Variants in KCTD8 observed in about 807,000 individuals in gnomAD.
KCTD8 encodes the protein BTB/POZ domain-containing protein KCTD8.
A neutral mutation model predicts 31.5 loss-of-function variants in KCTD8; 27 were observed. The ratio of observed to expected loss-of-function variants is 0.86; its 90% confidence interval spans 0.63 to 1.18. The LOEUF (loss-of-function observed/expected upper bound fraction) is 1.18. Ranked by LOEUF, KCTD8 falls within the 50% of genes most tolerant of loss-of-function variation. KCTD8 has a pLI of 0.00. For synonymous variants in KCTD8, 290 were observed against 280.0 expected, an observed-to-expected ratio of 1.04 and a Z score of -0.36; for missense variants, 658 against 647.7, an observed-to-expected ratio of 1.02 and a Z score of -0.17.
At position 44,448,506 on chromosome 4, in the gene KCTD8, C is replaced by T. The variant is rs1289752106; in HGVS notation, c.18G>A (p.Thr6=). The T allele has an allele frequency of 3.4e-6, 5 of 1,488,442 alleles. No homozygotes were observed. The South Asian group carries it at 5.6e-5, about 17-fold the overall frequency. The allele number at this position is 1,488,442 out of a possible 1,614,324, so 92.2% of individuals were successfully genotyped here. A position where few individuals can be genotyped will look rare whatever the true frequency, so the allele number is the denominator to read the frequency against. Residue 6 remains threonine, a synonymous_variant, in exon 1 of 2, where the codon ACG becomes ACA. Transcript: ENST00000360029. This position sits in a 1 kb window ranked among gnomAD's most constrained non-coding sequence, Gnocchi z 4.1. MALKD[T]GSGGSTILPI... ...GCAGGATGGTGCTGCCGCCGCTGCC[C>T]GTGTCCTTCAGAGCCATAGTCCCCC...
chr4:44,395,236 T>C (rs1249211832), intron 1 of KCTD8, among the ~76,000 whole-genome samples: 2 of 152,086 alleles, frequency 1.3e-5, no homozygotes, highest in African/African-American at 4.8e-5. Context: ...AGGGATAGCG[T>C]GTGATCCTGA....
chr4:44,193,427 C>T (rs989627927), intron 1 of KCTD8, among the ~76,000 whole-genome samples: 3 of 152,108 alleles, frequency 2.0e-5, no homozygotes, highest in Admixed American at 1.3e-4. Context: ...GATACATATG[C>T]TGCCACAAAA....
chr4:44,331,015 GA>G (rs1718578825), intron 1 of KCTD8, among the ~76,000 whole-genome samples: 3 of 151,670 alleles, frequency 2.0e-5, no homozygotes, highest in Admixed American at 2.0e-4. Context: ...GAGAAGACAG[GA>G]AAAATTTCAC....
intron 1 of KCTD8, among the ~76,000 whole-genome samples, chr4:44,244,050 C>A (rs1327278357): frequency 6.6e-6 from 1 of 152,148 alleles, no homozygotes; most frequent in Non-Finnish European, 1.5e-5. Flanking sequence ...AGATAAAATA[C>A]AAAATGTCCA....
chr4:44,430,596 C>T (rs1375422356), intron 1 of KCTD8, among the ~76,000 whole-genome samples: 2 of 151,534 alleles, frequency 1.3e-5, no homozygotes, highest in Non-Finnish European at 3.0e-5. Flanking sequence ...CCATCACCAA[C>T]CTTTTTGTCT....
At chr4:44,191,226 TCTTA>T (rs1423427779) in intron 1 of KCTD8, among the ~76,000 whole-genome samples, 2 of 152,216 alleles carry the variant, frequency 1.3e-5, no homozygotes, top group Non-Finnish European at 2.9e-5. Flanking sequence ...CTTATACCTG[TCTTA>T]CTTTAATCTC....
intron 1 of KCTD8, among the ~76,000 whole-genome samples, chr4:44,240,580 T>G (rs1343326713): frequency 6.6e-6 from 1 of 152,202 alleles, no homozygotes; most frequent in African/African-American, 2.4e-5. Context: ...CTCAACGAAT[T>G]CTCCCACCTA....
chr4:44,217,327 C>A (rs184566531), intron 1 of KCTD8, among the ~76,000 whole-genome samples: 22 of 152,106 alleles, frequency 1.4e-4, no homozygotes, highest in African/African-American at 4.6e-4. Flanking sequence ...TTTCTTGACC[C>A]AAAATTAAGG....
intron 1 of KCTD8, among the ~76,000 whole-genome samples, chr4:44,371,545 T>C (rs148697396): frequency 1.3e-5 from 2 of 152,320 alleles, no homozygotes; most frequent in African/African-American, 4.8e-5. Context: ...GTTAAAAGTA[T>C]ATTATCAAAG....
Position 44,289,624 on chromosome 4 carries a change from T to C in KCTD8, c.962-114374A>G, listed in dbSNP as rs758196793. 2.6e-5 allele frequency among the ~76,000 whole-genome samples: 4 copies of C among 152,060 alleles called. 1 individual carries two copies. On this transcript the variant is annotated intron_variant, in intron 1 of 1. Transcript: ENST00000360029. ...ATGGTGAGGCAACCCACTCTTGCTG[T>C]GAAATGTTGGGATCCTAGCTACACG...
intron 1 of KCTD8, chr4:44,293,423 C>T (rs1717335626): frequency 2.2e-6 from 1 of 455,546 alleles, no homozygotes; most frequent in South Asian, 1.6e-5. Flanking sequence ...AGCATCTGGC[C>T]CTGGTTCTGC....
At chr4:44,194,857 C>G (rs1162330554) in intron 1 of KCTD8, among the ~76,000 whole-genome samples, 1 of 130,504 alleles carries the variant, frequency 7.7e-6, no homozygotes, top group East Asian at 2.5e-4. Context: ...TCCTTTCACT[C>G]TCTCTCTTTT....
intron 1 of KCTD8, among the ~76,000 whole-genome samples, chr4:44,326,443 C>T (rs1299917302): frequency 6.6e-6 from 1 of 151,188 alleles, no homozygotes; most frequent in Non-Finnish European, 1.5e-5. Context: ...TAATTAAAGC[C>T]CACAGTATAA....
At chr4:44,234,900 T>C (rs981371476) in intron 1 of KCTD8, among the ~76,000 whole-genome samples, 2 of 152,218 alleles carry the variant, frequency 1.3e-5, no homozygotes, top group Non-Finnish European at 2.9e-5. Flanking sequence ...CAGGCTCATT[T>C]GTTTCTAATT....
intron 1 of KCTD8, among the ~76,000 whole-genome samples, chr4:44,237,589 T>G (rs974538040): frequency 1.3e-5 from 2 of 152,218 alleles, no homozygotes; most frequent in African/African-American, 4.8e-5. Context: ...TCCATCTGTT[T>G]AACTCACATA....
At chr4:44,231,086 G>C (rs944954817) in intron 1 of KCTD8, among the ~76,000 whole-genome samples, 1 of 152,148 alleles carries the variant, frequency 6.6e-6, no homozygotes, top group East Asian at 1.9e-4. Context: ...GACAAACTCA[G>C]ATATGCACAT....
At chr4:44,209,666 T>C (rs1714423854) in intron 1 of KCTD8, among the ~76,000 whole-genome samples, 1 of 152,150 alleles carries the variant, frequency 6.6e-6, no homozygotes, top group Non-Finnish European at 1.5e-5. Context: ...CTAGATGCTA[T>C]TCTGGATTCC....
chr4:44,374,082 T>C (rs1719859093), intron 1 of KCTD8, among the ~76,000 whole-genome samples: 1 of 152,200 alleles, frequency 6.6e-6, no homozygotes, highest in Admixed American at 6.5e-5. Context: ...CAAAATCAGT[T>C]TACTATGTAG....
At chr4:44,264,653 G>A (rs1716282910) in intron 1 of KCTD8, among the ~76,000 whole-genome samples, 1 of 152,140 alleles carries the variant, frequency 6.6e-6, no homozygotes, top group South Asian at 2.1e-4. Context: ...GGTGACAGAG[G>A]GCACCTGGAA....
Sources: allele counts gnomAD v4.1 joint callset (sites outside exome capture counted in the v4.1 genomes callset), GRCh38; gene constraint gnomAD v4.1.1; non-coding constraint Gnocchi (gnomAD v3.1); transcripts MANE v1.5; gene names NCBI Gene and HGNC (gene_info 2026-07-23, HGNC 2026-07-21).